Variants in DNAI4 observed in about 807,000 individuals in gnomAD.
DNAI4 encodes the protein WD repeat domain 78.
A neutral mutation model predicts 105.8 loss-of-function variants in DNAI4; 85 were observed. The ratio of observed to expected loss-of-function variants is 0.80; its 90% CI spans 0.67 to 0.96. The LOEUF is 0.96. Among genes scored for constraint, DNAI4 ranks in the 40% least tolerant of loss-of-function variants. The probability of loss-of-function intolerance (pLI) is 0.00; values close to 1 mark genes in which losing one functional copy is unlikely to be tolerated. For synonymous variants in DNAI4, 352 were observed against 331.5 expected, an observed-to-expected ratio of 1.06 and a Z score of -0.67; for missense variants, 1,014 against 1,005.6, an observed-to-expected ratio of 1.01 and a Z score of -0.11.
rs1476019600 is a variant in DNAI4, at chr1:66,924,612, C to A, written c.170+50G>T. 3.1e-6 allele frequency: 5 copies of A among 1,613,632 alleles called. No individual in the cohort carries two copies. The African/African-American group carries it at 5.3e-5, about 17-fold the overall frequency. Reference sequence around the variant, plus strand: ...AATGGTATCTATTAATAGAAGGGCTCCCTCCGGGTCCCAGGGGGATGGACT... The same window carrying A: ...AATGGTATCTATTAATAGAAGGGCTACCTCCGGGTCCCAGGGGGATGGACT... On this transcript the variant is annotated intron_variant, in intron 1 of 16. Transcript: ENST00000371026.
intron 2 of DNAI4, among the ~76,000 whole-genome samples, chr1:66,895,957 T>C (rs1215943089): frequency 6.6e-6 from 1 of 152,136 alleles, no homozygotes; most frequent in African/African-American, 2.4e-5. Context: ...CTGAACTTTA[T>C]TGGATAATAT....
intron 4 of DNAI4, among the ~76,000 whole-genome samples, chr1:66,881,830 C>G (rs1376235314): frequency 6.6e-6 from 1 of 152,238 alleles, no homozygotes; most frequent in East Asian, 1.9e-4. Context: ...GTGTCTCCAC[C>G]CAAATCTCAT....
chr1:66,836,140 A>AAAAAG (rs1645983127), intron 10 of DNAI4, among the ~76,000 whole-genome samples: 1 of 96,008 alleles, frequency 1.0e-5, no homozygotes, highest in African/African-American at 4.4e-5. Context: ...AGAAAGAAAG[A>AAAAAG]AAAGAAAGAA....
intron 9 of DNAI4, 81 bp downstream of exon 9, chr1:66,840,388 G>T: frequency 7.4e-7 from 1 of 1,360,146 alleles, no homozygotes; most frequent in Non-Finnish European, 1.0e-6. Context: ...CATATCTAAG[G>T]AAAACAATTC....
At chr1:66,923,236 A>G (rs1207845624) in intron 1 of DNAI4, among the ~76,000 whole-genome samples, 3 of 152,248 alleles carry the variant, frequency 2.0e-5, no homozygotes, top group Non-Finnish European at 2.9e-5. Flanking sequence ...AACACCATTT[A>G]GTGTACTTAC....
Position 66,825,525 on chromosome 1 carries a change from C to T in DNAI4, c.2339+1295G>A, listed in dbSNP as rs572860832. Among the ~76,000 whole-genome samples, 4 of 152,292 alleles carry T rather than the reference C, an allele frequency of 2.6e-5. No homozygotes were observed. In the South Asian group the frequency reaches 8.3e-4, roughly 32 times the overall value. ...GAATAATGTTTTTATCCAAATGAAC[C>T]TCTGGAACGTACAAGTACATTTTGA... On this transcript the variant is annotated intron_variant, in intron 15 of 16. Coordinates refer to ENST00000371026, the MANE Select transcript of DNAI4 (RefSeq NM_024763.5).
At chr1:66,884,863 C>G (rs1457992678) in intron 4 of DNAI4, among the ~76,000 whole-genome samples, 2 of 152,180 alleles carry the variant, frequency 1.3e-5, no homozygotes, top group Non-Finnish European at 1.5e-5. Flanking sequence ...CATCAAAGTA[C>G]CTTGTCAGCA....
chr1:66,853,091 T>G (rs564652208), intron 7 of DNAI4, among the ~76,000 whole-genome samples: 16 of 152,194 alleles, frequency 1.1e-4, no homozygotes, highest in African/African-American at 3.4e-4. Context: ...CATGAGGAAG[T>G]GAAACCAAAA....
chr1:66,846,593 A>G (rs1646280821), intron 8 of DNAI4, among the ~76,000 whole-genome samples: 1 of 152,242 alleles, frequency 6.6e-6, no homozygotes, highest in South Asian at 2.1e-4. Context: ...ATGATAATAC[A>G]AAGTAATCTG....
intron 7 of DNAI4, among the ~76,000 whole-genome samples, chr1:66,849,694 G>C (rs1236092267): frequency 6.6e-6 from 1 of 152,062 alleles, no homozygotes; most frequent in Non-Finnish European, 1.5e-5. Flanking sequence ...CAAAGGAATA[G>C]AAAGTCTTAG....
intron 3 of DNAI4, 114 bp downstream of exon 3, chr1:66,893,109 GAAAGAA>G (rs1012788036): frequency 4.3e-5 from 21 of 487,218 alleles, no homozygotes; most frequent in Non-Finnish European, 6.8e-5. Context: ...AAGAAAGAAA[GAAAGAA>G]AGAAAGAAAC....
At chr1:66,844,574 A>G (rs890644418) in intron 8 of DNAI4, among the ~76,000 whole-genome samples, 5 of 152,052 alleles carry the variant, frequency 3.3e-5, no homozygotes, top group Admixed American at 6.6e-5. Flanking sequence ...AAAAATGAAT[A>G]AATAAATAAA....
At chr1:66,859,266 A>G (rs1308939305) in intron 7 of DNAI4, among the ~76,000 whole-genome samples, 1 of 152,200 alleles carries the variant, frequency 6.6e-6, no homozygotes, top group Non-Finnish European at 1.5e-5. Context: ...CACTACATAC[A>G]TATTTGAGTG....
At chr1:66,875,787 C>T (rs1646947343) in intron 4 of DNAI4, among the ~76,000 whole-genome samples, 1 of 151,910 alleles carries the variant, frequency 6.6e-6, no homozygotes, top group Non-Finnish European at 1.5e-5. Context: ...AAACACCTTC[C>T]TTATAATCTA....
At chr1:66,906,722 A>C (rs1353680421) in intron 1 of DNAI4, among the ~76,000 whole-genome samples, 1 of 152,168 alleles carries the variant, frequency 6.6e-6, no homozygotes, top group Admixed American at 6.5e-5. Context: ...TTTACATTTA[A>C]GTATCCTACC....
Position 66,891,754 on chromosome 1 carries a change from G to A in DNAI4, c.531-488C>T, listed in dbSNP as rs899521655. ...GCTGTGATTACAGGCGTGAACCACCGCACCCAGCCAAAATGTATTTTAGAA... is the reference window on the plus strand; with the variant it reads ...GCTGTGATTACAGGCGTGAACCACCACACCCAGCCAAAATGTATTTTAGAA... On this transcript the variant is annotated intron_variant, in intron 3 of 16. Transcript: ENST00000371026. Among the ~76,000 whole-genome samples the A allele has an allele frequency of 8.6e-5, 13 of 152,044 alleles. No homozygotes were observed. The East Asian group carries it at 1.3e-3, about 16-fold the overall frequency.
chr1:66,839,947 C>A (rs190710035), intron 9 of DNAI4, among the ~76,000 whole-genome samples: 42 of 152,174 alleles, frequency 2.8e-4, no homozygotes, highest in African/African-American at 9.9e-4. Context: ...TGTGTTAGTA[C>A]GGTTAAAACA....
At chr1:66,905,473 C>A (rs1021588403) in intron 1 of DNAI4, 98 bp from the exon 2 acceptor site, 3 of 690,496 alleles carry the variant, frequency 4.3e-6, no homozygotes, top group African/African-American at 1.8e-5. Context: ...AACATGTGAA[C>A]AATCTAAACA....
chr1:66,836,224 G>GAA (rs1557908507), intron 10 of DNAI4, among the ~76,000 whole-genome samples: 19 of 128,464 alleles, frequency 1.5e-4, no homozygotes, highest in Non-Finnish European at 2.3e-4. Context: ...GAGAGAGAGA[G>GAA]AGAGAGAGAG....
Sources: allele counts gnomAD v4.1 joint callset (sites outside exome capture counted in the v4.1 genomes callset), GRCh38; gene constraint gnomAD v4.1.1; transcripts MANE v1.5; gene names NCBI Gene and HGNC (gene_info 2026-07-23, HGNC 2026-07-21).